The following ELK1 variants were observed in gnomAD, a reference collection of about 807,000 sequenced individuals.
The protein encoded by ELK1 is ETS domain-containing protein Elk-1.
For synonymous variants in ELK1, 163 were observed against 176.3 expected, an observed-to-expected ratio of 0.92 and a Z score of 0.60; for missense variants, 254 against 381.5, an observed-to-expected ratio of 0.67 and a Z score of 2.78.
In ELK1 at chrX:47,636,057, G is replaced by A. The variant is rs2058006704; in HGVS notation, c.*772C>T. ...AGGGAGACCTGGAGTACTGGCTGGA[G>A]GGGCCCCCCAGACGGGGACCACCCC... On this transcript the variant is annotated 3_prime_UTR_variant, in exon 7 of 7. Coordinates refer to ENST00000376983, the MANE Select transcript of ELK1 (RefSeq NM_001114123.3). 1 of 111,388 alleles carries A rather than the reference G, an allele frequency of 9.0e-6. No homozygotes were observed. Among genetic ancestry groups the A allele is most frequent in the Non-Finnish European group, 1.9e-5 (1 of 52,973 alleles). 9.2% of individuals were successfully genotyped at this position (111,388 alleles called of 1,213,427 possible).
At chrX:47,648,240 C>G (rs2058049568) in intron 2 of ELK1, among the ~76,000 whole-genome samples, 1 of 110,977 alleles carries the variant, frequency 9.0e-6, no homozygotes, top group South Asian at 3.8e-4. Context: ...GTAGCTGGGA[C>G]TATAAGTGCA....
chrX:47,644,435 G>A (rs1216838003), intron 2 of ELK1, among the ~76,000 whole-genome samples: 1 of 111,505 alleles, frequency 9.0e-6, no homozygotes, highest in African/African-American at 3.3e-5. Flanking sequence ...CCCTGCTCCA[G>A]AGGAGCTCAC....
intron 2 of ELK1, 78 bp downstream of exon 2, chrX:47,649,843 G>C (rs1272920398): frequency 8.2e-5 from 8 of 97,894 alleles, no homozygotes; most frequent in African/African-American, 1.1e-4. Context: ...TGGGGGGGGG[G>C]GGTGGTTTTG....
intron 2 of ELK1, among the ~76,000 whole-genome samples, chrX:47,642,337 C>G (rs2058031010): frequency 8.9e-6 from 1 of 112,023 alleles, no homozygotes; most frequent in African/African-American, 3.2e-5. Flanking sequence ...GAATAGAAAA[C>G]TAGTTCCATC....
chrX:47,647,037 G>A (rs1361578677), intron 2 of ELK1, among the ~76,000 whole-genome samples: 1 of 111,349 alleles, frequency 9.0e-6, no homozygotes, highest in Admixed American at 9.5e-5. Flanking sequence ...CTATGCCTAA[G>A]ATTTCAACCA....
At chrX:47,646,688 G>A (rs1004241024) in intron 2 of ELK1, among the ~76,000 whole-genome samples, 3 of 112,395 alleles carry the variant, frequency 2.7e-5, no homozygotes. Context: ...TCCTTTGGGG[G>A]TTGGTATTTG....
At chrX:47,648,868 TGGG>T (rs746110704) in intron 2 of ELK1, 15 of 94,988 alleles carry the variant, frequency 1.6e-4, no homozygotes, top group Non-Finnish European at 2.7e-4. Context: ...CTGCTGGGAT[TGGG>T]GGGTGGGTGG....
rs1416801971 is a variant in ELK1, at chrX:47,636,132, G to A, written c.*697C>T. 2 of 112,005 alleles carry A rather than the reference G, an allele frequency of 1.8e-5. No individual in the cohort carries two copies. The highest frequency in any genetic ancestry group is 6.5e-5 in the African/African-American group (2 of 30,632). The allele number at this position is 112,005 out of a possible 1,213,427, so 9.2% of individuals were successfully genotyped here. A position where few individuals can be genotyped will look rare whatever the true frequency, so the allele number is the denominator to read the frequency against. Reference sequence around the variant, plus strand: ...AAACAGGCAGGACCCCAGGGAGGTTGGCAGACAAAGGAATGGCTTCTCAGG... The same window carrying A: ...AAACAGGCAGGACCCCAGGGAGGTTAGCAGACAAAGGAATGGCTTCTCAGG... On this transcript the variant is annotated 3_prime_UTR_variant, in exon 7 of 7. Transcript: ENST00000376983.
At chrX:47,642,240 C>T (rs1458575695) in intron 2 of ELK1, among the ~76,000 whole-genome samples, 4 of 112,519 alleles carry the variant, frequency 3.6e-5, no homozygotes, top group Non-Finnish European at 7.5e-5. Context: ...TCAGCTGAGA[C>T]CAGTGTGGGA....
chrX:47,646,296 T>C (rs1334878761), intron 2 of ELK1, among the ~76,000 whole-genome samples: 2 of 110,951 alleles, frequency 1.8e-5, no homozygotes, highest in Non-Finnish European at 3.8e-5. Context: ...TTTAGGAGAG[T>C]GTATTATGCA....
In ELK1 at chrX:47,636,843, G is replaced by T. The variant is rs756124582; in HGVS notation, c.1273C>A (p.Pro425Thr). 8.7e-7 allele frequency: 1 copy of T among 1,152,186 alleles called. No homozygotes were observed. The highest frequency in any genetic ancestry group is 2.6e-5 in the Admixed American group (1 of 38,149). The allele number at this position is 1,152,186 out of a possible 1,213,427, so 95.0% of individuals were successfully genotyped here. Residue 425 changes from proline to threonine, a missense_variant, in exon 7 of 7, where the codon CCC becomes ACC. Pro to Thr is a conservative substitution (Grantham distance 38). Transcript: ENST00000376983. Reference protein sequence around the residue: ...LSTPVVLSPGPQKP With the variant: ...LSTPVVLSPGTQKP ...GGTGGTAGTAGTCATGGCTTCTGGG[G>T]CCCTGGGGAGAGCACCACGGGGGTC...
At chrX:47,650,317 G>T (rs989333573) in intron 1 of ELK1, 106 bp downstream of exon 1, 6 of 216,897 alleles carry the variant, frequency 2.8e-5, no homozygotes, top group Non-Finnish European at 5.1e-5. Flanking sequence ...GCGGCGGGGA[G>T]TCGAACACCA....
Position 47,639,286 on chromosome X carries a change from T to C in ELK1, c.263A>G (p.Tyr88Cys), listed in dbSNP as rs1323184353. The change falls in exon 4 of 7, where the codon TAC becomes TGC. Residue 88 changes from tyrosine to cysteine, a missense_variant. Tyr to Cys is a radical substitution (Grantham distance 194). Transcript: ENST00000376983. ...AGTGGAGCACCCTGCGACCTCAGGG[T>C]AGGACACAAACTTGTAGACGAACTT... is the stretch of plus-strand genomic sequence containing the variant. ...GQKFVYKFVS[Y>C]PEVAGCSTED... The C allele has an allele frequency of 1.7e-6, 2 of 1,209,007 alleles. No homozygotes were observed. Among genetic ancestry groups the C allele is most frequent in the Non-Finnish European group, 2.2e-6 (2 of 894,609 alleles).
intron 3 of ELK1, 125 bp downstream of exon 3, chrX:47,641,107 G>C: frequency 2.5e-6 from 2 of 811,022 alleles, no homozygotes; most frequent in Middle Eastern, 4.2e-4. Context: ...GGTACCAATG[G>C]ATGGGTTAAA....
At chrX:47,645,349 C>G (rs1279355106) in intron 2 of ELK1, among the ~76,000 whole-genome samples, 1 of 112,095 alleles carries the variant, frequency 8.9e-6, no homozygotes, top group Non-Finnish European at 1.9e-5. Context: ...TGGGGATTAT[C>G]ATTTCCCCCA....
At chrX:47,647,697 T>C (rs749646207) in intron 2 of ELK1, among the ~76,000 whole-genome samples, 6 of 112,371 alleles carry the variant, frequency 5.3e-5, no homozygotes, top group Non-Finnish European at 1.1e-4. Context: ...TAAATTCTTA[T>C]TGAGCATCTG....
chrX:47,643,169 C>T (rs2058033740), intron 2 of ELK1, among the ~76,000 whole-genome samples: 1 of 111,663 alleles, frequency 9.0e-6, no homozygotes, highest in Non-Finnish European at 1.9e-5. Context: ...GCAATCCTCT[C>T]TCCCTGGCCT....
At position 47,647,313 on chromosome X, in the gene ELK1, G is replaced by A. The variant is rs781048670; in HGVS notation, c.-35+2608C>T. Among the ~76,000 whole-genome samples, 8 of 109,526 alleles carry A rather than the reference G, an allele frequency of 7.3e-5. No homozygotes were observed. In the East Asian group the frequency reaches 1.2e-3, roughly 16 times the overall value. The stretch of plus-strand genomic sequence containing the variant: ...GTAACTGGGATTACAGGCGCACGCC[G>A]CCACACCCAGCTAATTTTTTTGTAT... On this transcript the variant is annotated intron_variant, in intron 2 of 6. Coordinates refer to ENST00000376983, the MANE Select transcript of ELK1 (RefSeq NM_001114123.3).
chrX:47,641,201 G>T (rs2058027479), intron 3 of ELK1, 31 bp downstream of exon 3: 2 of 1,194,461 alleles, frequency 1.7e-6, no homozygotes, highest in African/African-American at 3.5e-5. Context: ...ATGTCAGGGG[G>T]GGGTTCCAGC....
Sources: gnomAD v4.1 joint callset for allele counts (sites outside exome capture counted in the v4.1 genomes callset) on GRCh38, gnomAD v4.1.1 for gene constraint, MANE v1.5 for transcripts, NCBI Gene and HGNC (gene_info 2026-07-23, HGNC 2026-07-21) for gene names.